Variants in KNDC1 observed in about 807,000 individuals in gnomAD.
The protein encoded by KNDC1 is kinase non-catalytic C-lobe domain containing 1.
A neutral mutation model predicts 172.8 loss-of-function variants in KNDC1; 106 were observed. The ratio of observed to expected loss-of-function variants is 0.61; its 90% confidence interval spans 0.52 to 0.72. The LOEUF is 0.72. KNDC1 is among the 30% of genes least tolerant of loss of function. KNDC1 has a pLI of 0.00. For synonymous variants in KNDC1, 1,083 were observed against 1,062.2 expected, an observed-to-expected ratio of 1.02 and a Z score of -0.38; for missense variants, 2,325 against 2,394.5, an observed-to-expected ratio of 0.97 and a Z score of 0.61.
intron 20 of KNDC1, among the ~76,000 whole-genome samples, 198 bp from the exon 21 acceptor site, chr10:133,210,413 A>G (rs1245674376): frequency 6.7e-6 from 1 of 149,920 alleles, no homozygotes; most frequent in Non-Finnish European, 1.5e-5. Flanking sequence ...GAAGGCTGGA[A>G]GTAGTTGGGA....
At chr10:133,182,167 G>A (rs1853737295) in intron 3 of KNDC1, among the ~76,000 whole-genome samples, 1 of 152,178 alleles carries the variant, frequency 6.6e-6, no homozygotes, top group Admixed American at 6.5e-5. Flanking sequence ...GGGATGCAGG[G>A]CTTTCTGTGA....
At chr10:133,212,687 G>A (rs1189711846) in intron 23 of KNDC1, 29 bp from the exon 24 acceptor site, 1 of 1,601,712 alleles carries the variant, frequency 6.2e-7, no homozygotes, top group Non-Finnish European at 8.5e-7. Context: ...ACGGAGCTTA[G>A]GCCCCTCAGT....
intron 5 of KNDC1, among the ~76,000 whole-genome samples, chr10:133,185,664 A>G (rs1853877677): frequency 6.6e-6 from 1 of 150,816 alleles, no homozygotes. Flanking sequence ...TGGATGAGAT[A>G]ATTAGGTCCA....
In KNDC1 at chr10:133,183,326, A is replaced by G; in HGVS notation, c.361-18A>G. On this transcript the variant is annotated intron_variant, in intron 3 of 29. Transcript: ENST00000304613. ...CACACGCAGAGACTCTGGAGCTGAC[A>G]GCCTGTCGTGCCCACAGGCGCACAT... 1 of 1,578,484 alleles carries G rather than the reference A, an allele frequency of 6.3e-7. No homozygotes were observed. The highest frequency in any genetic ancestry group is 1.1e-5 in the South Asian group (1 of 87,188).
At chr10:133,196,090 C>T (rs1413864666) in intron 10 of KNDC1, among the ~76,000 whole-genome samples, 1 of 152,220 alleles carries the variant, frequency 6.6e-6, no homozygotes, top group Non-Finnish European at 1.5e-5. Flanking sequence ...GCGGAGCCCG[C>T]TCTCTCCAGC....
In KNDC1 at chr10:133,171,262, G is replaced by A. The variant is rs929107727; in HGVS notation, c.360+2950G>A. On this transcript the variant is annotated intron_variant, in intron 3 of 29. Transcript: ENST00000304613. The stretch of plus-strand genomic sequence containing the variant: ...TTTTGATTCTATTCTAAAATTCATT[G>A]TCCTCTTTTTGTTTTGTTTTGGTTT... Among the ~76,000 whole-genome samples the A allele has an allele frequency of 3.9e-5, 6 of 152,080 alleles. No homozygotes were observed. The East Asian group carries it at 1.2e-3, about 29-fold the overall frequency.
chr10:133,215,489 C>T (rs1425878775), intron 26 of KNDC1, among the ~76,000 whole-genome samples: 2 of 152,250 alleles, frequency 1.3e-5, no homozygotes, highest in African/African-American at 4.8e-5. Flanking sequence ...CAGCACGGGG[C>T]GTGGGAACAG....
chr10:133,186,408 A>G lies in KNDC1; in HGVS notation c.1060A>G (p.Ser354Gly), dbSNP rs1564884417. 2 of 1,612,724 alleles carry G rather than the reference A, an allele frequency of 1.2e-6. No homozygotes were observed. The highest frequency in any genetic ancestry group is 1.1e-5 in the South Asian group (1 of 91,080). ...TCTGGACAGGAAAAATGGCCTTTCT[A>G]GCTTCCAGGCTCAGCCCAAATGCAG... Reference protein sequence around the residue: ...AFLDRKNGLSSFQAQPKCRLW... With the variant: ...AFLDRKNGLSGFQAQPKCRLW... Residue 354 changes from serine (S) to glycine (G), a missense_variant, in exon 6 of 30, where the codon AGC (serine) becomes GGC (glycine). Coordinates refer to ENST00000304613, the MANE Select transcript of KNDC1 (RefSeq NM_152643.8).
intron 1 of KNDC1, among the ~76,000 whole-genome samples, chr10:133,164,765 G>A (rs536662821): frequency 6.6e-6 from 1 of 152,328 alleles, no homozygotes; most frequent in South Asian, 2.1e-4. Context: ...ACTACAGGAC[G>A]CCCAGATAGC....
chr10:133,188,658 C>G lies in KNDC1; in HGVS notation c.1441+5C>G. The stretch of plus-strand genomic sequence containing the variant: ...AGACACGCCCTGAGCACCCAGGTGA[C>G]GCACGCACCATCCCATCCCCCCCGC... On this transcript the variant is annotated splice_donor_5th_base_variant and intron_variant, in intron 7 of 29. Coordinates refer to ENST00000304613, the MANE Select transcript of KNDC1 (RefSeq NM_152643.8). 1 of 1,550,144 alleles carries G rather than the reference C, an allele frequency of 6.5e-7. No individual in the cohort carries two copies. The highest frequency in any genetic ancestry group is 8.7e-7 in the Non-Finnish European group (1 of 1,145,748).
At chr10:133,222,310 C>T (rs1845613958) in intron 29 of KNDC1, among the ~76,000 whole-genome samples, 1 of 151,882 alleles carries the variant, frequency 6.6e-6, no homozygotes, top group Non-Finnish European at 1.5e-5. Flanking sequence ...TAAGGTGATG[C>T]TCAATCAGGA....
chr10:133,176,412 C>A (rs1422008113), intron 3 of KNDC1, among the ~76,000 whole-genome samples: 1 of 152,090 alleles, frequency 6.6e-6, no homozygotes, highest in Non-Finnish European at 1.5e-5. Context: ...GAGATAAGTT[C>A]TATTCTCAAG....
At chr10:133,213,908 C>T (rs1177323074) in intron 25 of KNDC1, 64 bp from the exon 26 acceptor site, 48 of 1,595,764 alleles carry the variant, frequency 3.0e-5, no homozygotes, top group Non-Finnish European at 4.0e-5. Context: ...CACCAGCAGC[C>T]CCAGGGCCGG....
rs557865208 is a variant in KNDC1 at position 133,205,515 on chromosome 10, C to T, written c.3388-1170C>T. The stretch of plus-strand genomic sequence containing the variant: ...GGCGTGCACTCACATTTACACTCAA[C>T]GCTCATGCTCTATGGAGCACCCAAG... On this transcript the variant is annotated intron_variant, in intron 17 of 29. Transcript: ENST00000304613. 7.2e-5 allele frequency among the ~76,000 whole-genome samples: 11 copies of T among 152,344 alleles called. No homozygotes were observed. In the East Asian group the frequency reaches 7.7e-4, roughly 11 times the overall value.
chr10:133,183,824 G>T, intron 4 of KNDC1, 48 bp from the exon 5 acceptor site: 1 of 1,422,836 alleles, frequency 7.0e-7, no homozygotes. Flanking sequence ...GGCTGCGGGA[G>T]ATGGCCCCTC....
chr10:133,162,206 G>A (rs1852998965), intron 1 of KNDC1, among the ~76,000 whole-genome samples: 1 of 152,170 alleles, frequency 6.6e-6, no homozygotes, highest in African/African-American at 2.4e-5. Flanking sequence ...GCCCAGTACT[G>A]AGCCCAACAC....
chr10:133,187,939 C>T (rs1213740244), intron 6 of KNDC1, among the ~76,000 whole-genome samples: 1 of 129,854 alleles, frequency 7.7e-6, no homozygotes, highest in African/African-American at 3.9e-5. Flanking sequence ...CTGGCCCCTG[C>T]ACCCCGTCCC....
Position 133,209,774 on chromosome 10 carries a change from G to A in KNDC1, c.3795-837G>A, listed in dbSNP as rs887982571. Among the ~76,000 whole-genome samples, 2 of 152,026 alleles carry A rather than the reference G, an allele frequency of 1.3e-5. No individual in the cohort carries two copies. The highest frequency in any genetic ancestry group is 6.5e-5 in the Admixed American group (1 of 15,274). On this transcript the variant is annotated intron_variant, in intron 20 of 29. Coordinates refer to ENST00000304613, the MANE Select transcript of KNDC1 (RefSeq NM_152643.8). This position sits in a 1 kb window ranked among gnomAD's most constrained non-coding sequence, Gnocchi z 4.9. ...TGGCCACCTGTGTCCTCGGACCCCAGGTGAGTGGGTGACCAGGCCCCTTGT... is the reference window on the plus strand; with the variant it reads ...TGGCCACCTGTGTCCTCGGACCCCAAGTGAGTGGGTGACCAGGCCCCTTGT...
chr10:133,164,961 G>T (rs909894358), intron 1 of KNDC1, among the ~76,000 whole-genome samples: 2 of 152,200 alleles, frequency 1.3e-5, no homozygotes, highest in African/African-American at 4.8e-5. Context: ...GGCAAGGAGG[G>T]CTAATTCCTC....
Sources: allele counts gnomAD v4.1 joint callset (sites outside exome capture counted in the v4.1 genomes callset), GRCh38; gene constraint gnomAD v4.1.1; non-coding constraint Gnocchi (gnomAD v3.1); transcripts MANE v1.5; gene names NCBI Gene and HGNC (gene_info 2026-07-23, HGNC 2026-07-21).